The following TAF4 variants were observed in gnomAD, a reference collection of about 807,000 sequenced individuals.
The protein encoded by TAF4 is TATA-box binding protein associated factor 4, also known as transcription initiation factor TFIID subunit 4.
In TAF4, 9 loss-of-function variants were observed where a neutral mutation model predicts 90.3. The ratio of observed to expected loss-of-function variants is 0.10; its 90% CI spans 0.06 to 0.17. The LOEUF is 0.17. Ranked by LOEUF, TAF4 falls within the 10% of genes least tolerant of loss-of-function variation. TAF4 has a pLI of 1.00. For synonymous variants in TAF4, 818 were observed against 638.9 expected (o/e 1.28, Z -4.23); for missense variants, 1,351 against 1,370.7 (o/e 0.99, Z 0.23).
chr20:62,012,716 T>TAA (rs60638506), intron 3 of TAF4, 99 bp downstream of exon 3: 2,545 of 1,101,728 alleles, frequency 2.3e-3, no homozygotes, highest in South Asian at 3.8e-3. Flanking sequence ...GTATCCAGTT[T>TAA]AAAAAAAAAA....
At chr20:62,064,279 G>A (rs2056108067) in intron 1 of TAF4, 172 bp downstream of exon 1, 1 of 705,028 alleles carries the variant, frequency 1.4e-6, no homozygotes, top group East Asian at 3.4e-5. Flanking sequence ...CTCACTCGCA[G>A]ACAGCCACCC....
rs56759835 is a variant in TAF4, at chr20:62,014,019, GGTGT to G, written c.1521+524_1521+527del. Among the ~76,000 whole-genome samples, 496 of 126,458 alleles carry G rather than the reference GGTGT, an allele frequency of 3.9e-3. 2 individuals carry two copies. Among genetic ancestry groups the G allele is most frequent in the Middle Eastern group, 7.6e-3 (2 of 262 alleles). 83.0% of individuals were successfully genotyped at this position (126,458 alleles called of 152,430 possible). A position where few individuals can be genotyped will look rare whatever the true frequency, so the allele number is the denominator to read the frequency against. ...CCCTGAAGGCTGACGCGGGGGTGTG[GGTGT>G]GTGTGTGTGTGTGTGTGTGTGTATG... On this transcript the variant is annotated intron_variant, in intron 2 of 14. Coordinates refer to ENST00000252996, the MANE Select transcript of TAF4 (RefSeq NM_003185.4).
Position 62,062,384 on chromosome 20 carries a change from T to C in TAF4, c.1360+2067A>G, listed in dbSNP as rs1042075557. On this transcript the variant is annotated intron_variant, in intron 1 of 14. Transcript: ENST00000252996. The stretch of plus-strand genomic sequence containing the variant: ...AAGAAGGTACTCTGGTTTGGGATAC[T>C]GGTAGTTTTATTGATACTTTTTTTT... Among the ~76,000 whole-genome samples, 3 of 152,202 alleles carry C rather than the reference T, an allele frequency of 2.0e-5. No homozygotes were observed. In the East Asian group the frequency reaches 5.8e-4, roughly 29 times the overall value.
At chr20:62,050,245 T>C (rs894252010) in intron 1 of TAF4, among the ~76,000 whole-genome samples, 23 of 151,922 alleles carry the variant, frequency 1.5e-4, no homozygotes, top group African/African-American at 5.3e-4. Context: ...ACATGACCTA[T>C]CCTCGGCCTC....
At position 62,064,956 on chromosome 20, in the gene TAF4, G is replaced by A; in HGVS notation, c.855C>T (p.Gly285=). The change falls in exon 1 of 15, where the codon GGC becomes GGT. Residue 285 remains glycine (G), a synonymous_variant. Coordinates refer to ENST00000252996, the MANE Select transcript of TAF4 (RefSeq NM_003185.4). ...CGGCGGTCGGGGGTCCGGCGGGGTG[G>A]CCGGGCGGCCGGGCCAGAGTGGCGG... ...PAPATLARPP[G]HPAGPPTAAP... 6.7e-6 allele frequency: 3 copies of A among 446,342 alleles called. No individual in the cohort carries two copies. The highest frequency in any genetic ancestry group is 8.6e-6 in the Non-Finnish European group (3 of 347,614). The allele number at this position is 446,342 out of a possible 1,614,324, so 27.6% of individuals were successfully genotyped here.
chr20:62,042,779 TTATTAAAAC>T (rs2055971406), intron 1 of TAF4, among the ~76,000 whole-genome samples: 1 of 152,238 alleles, frequency 6.6e-6, no homozygotes, highest in Non-Finnish European at 1.5e-5. Flanking sequence ...CTGCATCTAC[TTATTAAAAC>T]TTACAGTTAA....
chr20:61,976,441 C>A, intron 14 of TAF4, 106 bp from the exon 15 acceptor site: 1 of 1,357,382 alleles, frequency 7.4e-7, no homozygotes, highest in Non-Finnish European at 1.0e-6. Context: ...GGAGGCCAGG[C>A]CTGGCACGGG....
intron 1 of TAF4, among the ~76,000 whole-genome samples, chr20:62,029,899 C>T (rs2055895210): frequency 6.6e-6 from 1 of 151,962 alleles, no homozygotes; most frequent in Middle Eastern, 3.4e-3. Context: ...GGCAAGACTC[C>T]GTCTCAAAAA....
chr20:62,042,975 TTG>T (rs1399186944), intron 1 of TAF4, among the ~76,000 whole-genome samples: 1 of 152,156 alleles, frequency 6.6e-6, no homozygotes, highest in Non-Finnish European at 1.5e-5. Context: ...TAACGTGTGC[TTG>T]TGTCTTGTTT....
intron 1 of TAF4, chr20:62,064,167 T>A: frequency 5.6e-6 from 2 of 357,764 alleles, no homozygotes; most frequent in Non-Finnish European, 1.0e-5. Context: ...CCACTAAGAG[T>A]CCTGGCTGAG....
chr20:61,992,893 A>C (rs543141964), intron 14 of TAF4, among the ~76,000 whole-genome samples: 1 of 152,332 alleles, frequency 6.6e-6, no homozygotes, highest in African/African-American at 2.4e-5. Flanking sequence ...ACTGCAACCA[A>C]AATGAGAACT....
At chr20:61,996,826 G>A (rs1232000857) in intron 14 of TAF4, among the ~76,000 whole-genome samples, 1 of 150,914 alleles carries the variant, frequency 6.6e-6, no homozygotes, top group Non-Finnish European at 1.5e-5. Flanking sequence ...GAATGAGGGT[G>A]AAATACAATT....
chr20:62,014,023 T>TGGGGGGGGG (rs1354883504), intron 2 of TAF4, among the ~76,000 whole-genome samples: 25 of 100,310 alleles, frequency 2.5e-4, no homozygotes, highest in East Asian at 6.6e-4. Context: ...GGTGTGGGTG[T>TGGGGGGGGG]GTGTGTGTGT....
rs952970388 is a variant in TAF4 at position 62,042,553 on chromosome 20, T to C, written c.1360+21898A>G. 5.3e-5 allele frequency among the ~76,000 whole-genome samples: 8 copies of C among 152,336 alleles called. No homozygotes were observed. The South Asian group carries it at 1.7e-3, about 32-fold the overall frequency. On this transcript the variant is annotated intron_variant, in intron 1 of 14. Transcript: ENST00000252996. ...ATTGTAATCTACCCCTAGGTGCTACTGTGGGGCGGGAGCCCAAAAGGGCTC... is the reference window on the plus strand; with the variant it reads ...ATTGTAATCTACCCCTAGGTGCTACCGTGGGGCGGGAGCCCAAAAGGGCTC...
intron 1 of TAF4, among the ~76,000 whole-genome samples, chr20:62,038,228 AGTGT>A (rs2055944753): frequency 1.3e-5 from 2 of 151,914 alleles, no homozygotes; most frequent in Non-Finnish European, 2.9e-5. Flanking sequence ...AGGGTTTCAC[AGTGT>A]TAGCCAGGAT....
intron 12 of TAF4, 29 bp from the exon 13 acceptor site, chr20:61,998,221 G>C (rs2055675629): frequency 1.9e-6 from 3 of 1,606,530 alleles, no homozygotes; most frequent in Non-Finnish European, 2.6e-6. Flanking sequence ...GAAAAGAAAA[G>C]TAAGTTATGA....
chr20:62,015,509 TGCA>T, intron 1 of TAF4, among the ~76,000 whole-genome samples: 1 of 152,266 alleles, frequency 6.6e-6, no homozygotes, highest in South Asian at 2.1e-4. Context: ...CTATAAACAC[TGCA>T]CTCTTTCCCG....
intron 2 of TAF4, among the ~76,000 whole-genome samples, chr20:62,014,013 GGTGTGGGT>G (rs1244707704): frequency 1.1e-4 from 14 of 122,380 alleles, no homozygotes; most frequent in Admixed American, 8.4e-5. Context: ...CTGACGCGGG[GGTGTGGGT>G]GTGTGTGTGT....
At chr20:62,016,482 G>C (rs906402370) in intron 1 of TAF4, among the ~76,000 whole-genome samples, 3 of 152,208 alleles carry the variant, frequency 2.0e-5, no homozygotes, top group Admixed American at 6.5e-5. Flanking sequence ...TCTTTCTCCA[G>C]AGCTGGATGC....
Sources: allele counts gnomAD v4.1 joint callset (sites outside exome capture counted in the v4.1 genomes callset), GRCh38; gene constraint gnomAD v4.1.1; transcripts MANE v1.5; gene names NCBI Gene and HGNC (gene_info 2026-07-23, HGNC 2026-07-21).